Variants in STK10 observed in about 807,000 individuals in gnomAD.
STK10 encodes the protein serine/threonine-protein kinase 10.
In STK10, 78 loss-of-function variants were observed where a neutral mutation model predicts 113.8. The ratio of observed to expected loss-of-function variants is 0.69; its 90% CI spans 0.57 to 0.83. STK10 has a LOEUF of 0.83. STK10 is among the 40% of genes least tolerant of loss of function. The pLI, the probability that STK10 is intolerant of heterozygous loss-of-function variation, is 0.00. For missense variants in STK10, 1,109 were observed against 1,280.1 expected, an observed-to-expected ratio of 0.87 and a Z score of 2.04; for synonymous variants, 465 against 494.7, an observed-to-expected ratio of 0.94 and a Z score of 0.80.
chr5:172,067,087 C>T (rs995119770), intron 12 of STK10, among the ~76,000 whole-genome samples: 5 of 152,168 alleles, frequency 3.3e-5, no homozygotes, highest in Non-Finnish European at 5.9e-5. Flanking sequence ...GGCACGGTGG[C>T]TCACACCTGT....
chr5:172,052,845 G>T, intron 18 of STK10, 84 bp downstream of exon 18: 1 of 1,301,034 alleles, frequency 7.7e-7, no homozygotes, highest in South Asian at 1.2e-5. Context: ...CCAAAATAAG[G>T]AGACCTAACA....
At chr5:172,085,522 C>T (rs986622856) in intron 10 of STK10, among the ~76,000 whole-genome samples, 4 of 151,866 alleles carry the variant, frequency 2.6e-5, no homozygotes, top group African/African-American at 9.7e-5. Context: ...AACCCCATCT[C>T]TACTAAAAAT....
At chr5:172,050,295 CTG>C (rs1450786672) in intron 18 of STK10, among the ~76,000 whole-genome samples, 1 of 152,174 alleles carries the variant, frequency 6.6e-6, no homozygotes, top group Admixed American at 6.6e-5. Context: ...AGCATGATGG[CTG>C]TCTAGAGATC....
At chr5:172,176,463 C>T (rs1320503739) in intron 1 of STK10, among the ~76,000 whole-genome samples, 1 of 152,234 alleles carries the variant, frequency 6.6e-6, no homozygotes, top group African/African-American at 2.4e-5. Flanking sequence ...TTCCCTCCCA[C>T]ACCCACCTGG....
intron 17 of STK10, among the ~76,000 whole-genome samples, chr5:172,053,978 G>C (rs10035430): frequency 0.39 from 58,845 of 151,902 alleles, 11,430 homozygotes; most frequent in Middle Eastern, 0.45. Context: ...CAGCAGAGCC[G>C]TGCCGGGCAG....
At chr5:172,083,219 C>T in intron 10 of STK10, 135 bp from the exon 11 acceptor site, 3 of 1,078,514 alleles carry the variant, frequency 2.8e-6, no homozygotes, top group Non-Finnish European at 4.0e-6. Flanking sequence ...ATGACTAGAA[C>T]TCAGGCTTCA....
chr5:172,174,045 C>T (rs1433739790), intron 1 of STK10, among the ~76,000 whole-genome samples: 8 of 152,132 alleles, frequency 5.3e-5, no homozygotes, highest in South Asian at 4.1e-4. Context: ...AACCACAATG[C>T]GGCCTCCCGA....
chr5:172,181,990 T>C (rs772359949), intron 1 of STK10, among the ~76,000 whole-genome samples: 11 of 152,064 alleles, frequency 7.2e-5, no homozygotes, highest in Non-Finnish European at 1.2e-4. Flanking sequence ...ACTCCCAATT[T>C]TGCAAAACAA....
At chr5:172,105,085 C>A (rs933456749) in intron 7 of STK10, among the ~76,000 whole-genome samples, 3 of 152,090 alleles carry the variant, frequency 2.0e-5, no homozygotes, top group Non-Finnish European at 4.4e-5. Context: ...CCTAGGGAAC[C>A]ATCGAGCCTT....
chr5:172,143,586 T>C (rs1469947337), intron 2 of STK10, among the ~76,000 whole-genome samples: 1 of 152,140 alleles, frequency 6.6e-6, no homozygotes, highest in Non-Finnish European at 1.5e-5. Context: ...AGCCAGGAGA[T>C]GTGGACATGG....
At chr5:172,169,474 G>A (rs1479937402) in intron 1 of STK10, among the ~76,000 whole-genome samples, 6 of 151,770 alleles carry the variant, frequency 4.0e-5, no homozygotes, top group African/African-American at 1.2e-4. Context: ...TGGATGAGAG[G>A]TTGGGTGAAT....
intron 12 of STK10, among the ~76,000 whole-genome samples, chr5:172,067,151 C>T (rs1768088686): frequency 1.3e-5 from 2 of 152,128 alleles, no homozygotes. Context: ...GAGTTCGAGA[C>T]CAACCTGGGC....
At chr5:172,105,249 A>C (rs529091238) in intron 7 of STK10, among the ~76,000 whole-genome samples, 7 of 143,224 alleles carry the variant, frequency 4.9e-5, no homozygotes, top group Admixed American at 4.4e-4. Flanking sequence ...CCTCTGGGCC[A>C]CTGGCCTTGC....
At chr5:172,084,402 AAAT>A (rs60087344) in intron 10 of STK10, among the ~76,000 whole-genome samples, 26,611 of 149,110 alleles carry the variant, frequency 0.18, 3,659 homozygotes, top group African/African-American at 0.39. Flanking sequence ...TTCTGTCTCA[AAAT>A]AATAATAATA....
At chr5:172,111,307 G>A (rs770284473) in intron 4 of STK10, among the ~76,000 whole-genome samples, 8 of 152,134 alleles carry the variant, frequency 5.3e-5, no homozygotes, top group Non-Finnish European at 1.0e-4. Flanking sequence ...CCAGGGTGAG[G>A]ATCCCAAAAG....
At chr5:172,164,466 T>C (rs531181639) in intron 1 of STK10, among the ~76,000 whole-genome samples, 215 of 152,264 alleles carry the variant, frequency 1.4e-3, no homozygotes, top group African/African-American at 4.8e-3. Context: ...GGCTTTATTT[T>C]ATATATAAGA....
chr5:172,176,383 A>T (rs7735779), intron 1 of STK10, among the ~76,000 whole-genome samples: 6 of 151,826 alleles, frequency 4.0e-5, no homozygotes, highest in Non-Finnish European at 8.8e-5. Flanking sequence ...ACATCTTCTC[A>T]GGCTGGTCAC....
Position 172,156,642 on chromosome 5 carries a change from A to G in STK10, c.303T>C (p.Tyr101=), listed in dbSNP as rs1366799329. ...GCCTTACCCACAGCTTCCCGTCGTG[A>G]TAGTAGGCTCCCAGGAGCTTCACAA... ...PYIVKLLGAY[Y]HDGKLWIMIE... is the part of the protein sequence containing the mutation. Residue 101 remains tyrosine, a synonymous_variant, in exon 2 of 19, where the codon TAT becomes TAC. Transcript: ENST00000176763. The G allele has an allele frequency of 1.9e-6, 3 of 1,613,628 alleles. No homozygotes were observed. Among genetic ancestry groups the G allele is most frequent in the African/African-American group, 1.3e-5 (1 of 74,920 alleles).
chr5:172,067,691 T>C (rs143140252), intron 12 of STK10, among the ~76,000 whole-genome samples: 20 of 151,848 alleles, frequency 1.3e-4, no homozygotes, highest in Non-Finnish European at 2.5e-4. Flanking sequence ...ATGTCTGAAA[T>C]TAAAATAAAA....
Sources: allele counts gnomAD v4.1 joint callset (sites outside exome capture counted in the v4.1 genomes callset), GRCh38; gene constraint gnomAD v4.1.1; transcripts MANE v1.5; gene names NCBI Gene and HGNC (gene_info 2026-07-23, HGNC 2026-07-21).